XKR9: variants seen among roughly 807,000 people sequenced by gnomAD.
XKR9 encodes XK related 9, also known as XK-related protein 9.
XKR9 carries 32 observed loss-of-function variants against 32.0 expected under a neutral mutation model. The observed-to-expected ratio is 1.00, with a 90% confidence interval of 0.76 to 1.34. The LOEUF (loss-of-function observed/expected upper bound fraction) is 1.34, where lower values mean the gene tolerates loss of function less well. XKR9 is among the 40% of genes most tolerant of loss of function. The pLI, the probability that XKR9 is intolerant of heterozygous loss-of-function variation, is 0.00. For missense variants in XKR9, 546 were observed against 429.7 expected (o/e 1.27, Z -2.39); for synonymous variants, 168 against 143.4 (o/e 1.17, Z -1.22).
At chr8:70,870,246 T>C in the XKR9 span, among the ~76,000 whole-genome samples, 1 of 152,204 alleles carries the variant, frequency 6.6e-6, no homozygotes, top group African/African-American at 2.4e-5. Context: ...TATTAATAAT[T>C]TGTATTGAAC....
chr8:70,811,453 A>G, the XKR9 span, among the ~76,000 whole-genome samples: 20 of 152,328 alleles, frequency 1.3e-4, no homozygotes, highest in African/African-American at 4.1e-4. Context: ...AGCAGAACTG[A>G]AGGAAATAGA....
At chr8:71,058,718 A>C in the XKR9 span, among the ~76,000 whole-genome samples, 1 of 152,234 alleles carries the variant, frequency 6.6e-6, no homozygotes, top group Admixed American at 6.5e-5. Flanking sequence ...TTTATTTCTT[A>C]CATCTCAAAT....
At chr8:70,928,377 G>A in the XKR9 span, among the ~76,000 whole-genome samples, 4 of 152,174 alleles carry the variant, frequency 2.6e-5, no homozygotes, top group East Asian at 7.7e-4. Flanking sequence ...CATTTTGGTT[G>A]ACCCTGTGGT....
intron 4 of XKR9, 105 bp from the exon 5 acceptor site, chr8:70,733,691 C>G: frequency 9.7e-7 from 1 of 1,034,496 alleles, no homozygotes; most frequent in Non-Finnish European, 1.3e-6. Context: ...AAGTATGTGA[C>G]GTGTTTGTGG....
the XKR9 span, among the ~76,000 whole-genome samples, chr8:70,894,950 A>G: frequency 6.6e-6 from 1 of 152,082 alleles, no homozygotes; most frequent in African/African-American, 2.4e-5. Flanking sequence ...CTCCAGCTGT[A>G]GTTCCAATTC....
chr8:70,844,682 C>T, the XKR9 span, among the ~76,000 whole-genome samples: 6 of 152,342 alleles, frequency 3.9e-5, no homozygotes, highest in East Asian at 1.9e-4. Context: ...TGTTCACCAC[C>T]GTCATCTGTG....
At chr8:70,984,555 A>G in the XKR9 span, among the ~76,000 whole-genome samples, 3 of 152,356 alleles carry the variant, frequency 2.0e-5, no homozygotes, top group Admixed American at 6.5e-5. Flanking sequence ...GCTGCAACAC[A>G]AATGCCTCTA....
chr8:70,918,363 G>C, the XKR9 span, among the ~76,000 whole-genome samples: 2 of 152,174 alleles, frequency 1.3e-5, no homozygotes, highest in African/African-American at 4.8e-5. Flanking sequence ...ACTTCAGAAG[G>C]AGAGCTTCTG....
At chr8:70,749,279 A>C (rs36005197) in intron 2 of XKR9, among the ~76,000 whole-genome samples, 17,995 of 152,148 alleles carry the variant, frequency 0.12, 1,271 homozygotes, top group African/African-American at 0.2. Context: ...AACGGGGCTG[A>C]AACATGCTCC....
chr8:70,840,657 C>G, the XKR9 span, among the ~76,000 whole-genome samples: 5 of 152,238 alleles, frequency 3.3e-5, no homozygotes, highest in South Asian at 4.1e-4. Flanking sequence ...AGAGAAAAGA[C>G]TCACTCCATA....
chr8:70,681,169 G>T lies in XKR9; in HGVS notation c.111G>T (p.Gln37His). Residue 37 changes from glutamine to histidine, a missense_variant, in exon 3 of 5, where the codon CAG becomes CAT. Transcript: ENST00000408926. ...CTGTCAGATTTTTCCATGAAGGACA[G>T]TATGTTTTTAGTGCTTTAGCGTTAA... is the stretch of plus-strand genomic sequence containing the variant. ...WVSVRFFHEG[Q>H]YVFSALALSF... The T allele has an allele frequency of 6.2e-7, 1 of 1,613,566 alleles. No homozygotes were observed. Among genetic ancestry groups the T allele is most frequent in the Non-Finnish European group, 8.5e-7 (1 of 1,179,616 alleles).
chr8:70,681,403 T>C, intron 3 of XKR9, 73 bp downstream of exon 3: 2 of 1,512,182 alleles, frequency 1.3e-6, no homozygotes, highest in Non-Finnish European at 1.8e-6. Flanking sequence ...GTATCTTATC[T>C]GGGTAGTCAA....
the XKR9 span, among the ~76,000 whole-genome samples, chr8:71,039,179 A>C: frequency 1.3e-5 from 2 of 152,142 alleles, no homozygotes; most frequent in Non-Finnish European, 2.9e-5. Flanking sequence ...TATTCTACAA[A>C]GGTGGTTAGA....
chr8:70,797,977 A>G, the XKR9 span, among the ~76,000 whole-genome samples: 6 of 152,242 alleles, frequency 3.9e-5, no homozygotes, highest in South Asian at 8.3e-4. Context: ...GGTTGATTCC[A>G]TGTCTTTGCT....
At chr8:70,811,228 T>G in the XKR9 span, among the ~76,000 whole-genome samples, 6 of 151,992 alleles carry the variant, frequency 3.9e-5, no homozygotes, top group African/African-American at 1.2e-4. Context: ...CGTAAAGATG[T>G]TCTTTGAAAC....
the XKR9 span, among the ~76,000 whole-genome samples, chr8:70,861,355 A>G: frequency 6.6e-6 from 1 of 152,088 alleles, no homozygotes; most frequent in East Asian, 1.9e-4. Context: ...TCCTTATTTC[A>G]TAAAGTTGTT....
At chr8:70,781,955 C>T (rs1169667189) in intron 2 of XKR9, among the ~76,000 whole-genome samples, 1 of 152,092 alleles carries the variant, frequency 6.6e-6, no homozygotes, top group Non-Finnish European at 1.5e-5. Context: ...AAAGAAAAGC[C>T]CTTGGTATGT....
chr8:71,065,196 A>G, the XKR9 span, among the ~76,000 whole-genome samples: 2 of 152,304 alleles, frequency 1.3e-5, no homozygotes, highest in African/African-American at 4.8e-5. Context: ...AAAATTTCAT[A>G]TATTGGAGTC....
the XKR9 span, among the ~76,000 whole-genome samples, chr8:71,061,915 A>C: frequency 6.6e-6 from 1 of 152,240 alleles, no homozygotes; most frequent in African/African-American, 2.4e-5. Context: ...GCTCTGTGAC[A>C]CTGCAGCATG....
Sources: allele counts gnomAD v4.1 joint callset (sites outside exome capture counted in the v4.1 genomes callset), GRCh38; gene constraint gnomAD v4.1.1; transcripts MANE v1.5; gene names NCBI Gene and HGNC (gene_info 2026-07-23, HGNC 2026-07-21).